The following RUNDC3B variants were observed in gnomAD, a reference collection of about 807,000 sequenced individuals.
RUNDC3B encodes RUN domain-containing protein 3B.
In RUNDC3B, 33 loss-of-function variants were observed where a neutral mutation model predicts 58.4. The ratio of observed to expected loss-of-function variants is 0.56; its 90% CI spans 0.43 to 0.75. RUNDC3B has a LOEUF of 0.75. Ranked by LOEUF, RUNDC3B falls within the 30% of genes least tolerant of loss-of-function variation. The probability of loss-of-function intolerance (pLI) is 0.00; values close to 1 mark genes in which losing one functional copy is unlikely to be tolerated. For synonymous variants in RUNDC3B, 193 were observed against 195.2 expected, an observed-to-expected ratio of 0.99 and a Z score of 0.10; for missense variants, 501 against 535.7, an observed-to-expected ratio of 0.94 and a Z score of 0.64.
intron 8 of RUNDC3B, among the ~76,000 whole-genome samples, chr7:87,782,594 A>T (rs952850503): frequency 3.3e-5 from 5 of 152,082 alleles, no homozygotes; most frequent in Non-Finnish European, 5.9e-5. Flanking sequence ...TAACTTCTTG[A>T]TGTAAACATT....
At chr7:87,673,227 A>G (rs1826005448) in intron 2 of RUNDC3B, among the ~76,000 whole-genome samples, 1 of 152,176 alleles carries the variant, frequency 6.6e-6, no homozygotes, top group South Asian at 2.1e-4. Flanking sequence ...AGTATTTTGC[A>G]GGATTCTCTG....
chr7:87,801,791 C>T (rs1836173482), intron 8 of RUNDC3B, among the ~76,000 whole-genome samples: 1 of 151,922 alleles, frequency 6.6e-6, no homozygotes, highest in South Asian at 2.1e-4. Flanking sequence ...TGTAAAACAC[C>T]CTTCATTATT....
chr7:87,708,990 T>A (rs769945531), intron 3 of RUNDC3B, among the ~76,000 whole-genome samples: 14 of 152,218 alleles, frequency 9.2e-5, no homozygotes, highest in Admixed American at 2.0e-4. Flanking sequence ...CTAAATTCCT[T>A]AATCTAGTTT....
rs1174513980 is a variant in RUNDC3B at position 87,718,275 on chromosome 7, GA to G, written c.458+7623del. On this transcript the variant is annotated intron_variant, in intron 4 of 10. Coordinates refer to ENST00000394654, the MANE Select transcript of RUNDC3B (RefSeq NM_001134405.2). ...AGCAACAACTTTGGACAACATACAT[GA>G]AATGCTGTCCACCAGGGAAGCTCAT... 2.0e-5 allele frequency among the ~76,000 whole-genome samples: 3 copies of G among 152,266 alleles called. No individual in the cohort carries two copies. The East Asian group carries it at 5.8e-4, about 29-fold the overall frequency.
intron 8 of RUNDC3B, 127 bp downstream of exon 8, chr7:87,778,082 T>C (rs935543363): frequency 1.4e-6 from 1 of 725,848 alleles, no homozygotes; most frequent in South Asian, 2.1e-5. Flanking sequence ...ACCTACACTT[T>C]TTTGAAAGTT....
At chr7:87,745,056 C>A (rs1832569376) in intron 6 of RUNDC3B, among the ~76,000 whole-genome samples, 1 of 152,090 alleles carries the variant, frequency 6.6e-6, no homozygotes, top group East Asian at 1.9e-4. Context: ...AATGCTTTTT[C>A]TGCATCTATT....
chr7:87,747,758 A>C (rs1314515211), intron 6 of RUNDC3B, among the ~76,000 whole-genome samples: 1 of 152,014 alleles, frequency 6.6e-6, no homozygotes, highest in Admixed American at 6.5e-5. Context: ...TTGTCAGGGA[A>C]GTGGGGGAAA....
chr7:87,722,860 C>T (rs1830983658), intron 4 of RUNDC3B, among the ~76,000 whole-genome samples: 1 of 152,174 alleles, frequency 6.6e-6, no homozygotes, highest in African/African-American at 2.4e-5. Flanking sequence ...GTGTGTTCCA[C>T]TGGAGAGTTA....
chr7:87,690,004 A>T (rs1263730267), intron 2 of RUNDC3B, among the ~76,000 whole-genome samples: 2 of 151,838 alleles, frequency 1.3e-5, no homozygotes, highest in African/African-American at 4.8e-5. Flanking sequence ...AAATTTTTAA[A>T]TTTTTTATAG....
chr7:87,754,528 G>C (rs1244399579), intron 6 of RUNDC3B, among the ~76,000 whole-genome samples: 1 of 152,006 alleles, frequency 6.6e-6, no homozygotes, highest in Non-Finnish European at 1.5e-5. Context: ...ACAATGGAAA[G>C]AATTAAAGAA....
At chr7:87,762,170 C>T (rs1287311958) in intron 6 of RUNDC3B, among the ~76,000 whole-genome samples, 1 of 151,410 alleles carries the variant, frequency 6.6e-6, no homozygotes, top group Non-Finnish European at 1.5e-5. Context: ...GTTTTTAAAT[C>T]GTTAATGAGT....
At chr7:87,669,192 A>G (rs1055625464) in intron 2 of RUNDC3B, among the ~76,000 whole-genome samples, 3 of 152,066 alleles carry the variant, frequency 2.0e-5, no homozygotes, top group Admixed American at 2.0e-4. Flanking sequence ...TAGGGTATTT[A>G]GGTTTTTTTG....
At position 87,703,328 on chromosome 7, in the gene RUNDC3B, C is replaced by T. The variant is rs530180063; in HGVS notation, c.372+2774C>T. Among the ~76,000 whole-genome samples, 16 of 151,750 alleles carry T rather than the reference C, an allele frequency of 1.1e-4. No homozygotes were observed. In the East Asian group the frequency reaches 1.2e-3, roughly 11 times the overall value. Reference sequence around the variant, plus strand: ...GTTCAAATTAAATATTTTGTAAGCACGAACTGAGTATATGTTTTAAAAACC... The same window carrying T: ...GTTCAAATTAAATATTTTGTAAGCATGAACTGAGTATATGTTTTAAAAACC... On this transcript the variant is annotated intron_variant, in intron 3 of 10. Coordinates refer to ENST00000394654, the MANE Select transcript of RUNDC3B (RefSeq NM_001134405.2).
intron 4 of RUNDC3B, among the ~76,000 whole-genome samples, chr7:87,725,462 T>C (rs1831167502): frequency 6.6e-6 from 1 of 152,344 alleles, no homozygotes; most frequent in African/African-American, 2.4e-5. Flanking sequence ...GGTGTATGTG[T>C]GCCACATTTT....
At chr7:87,790,186 C>G (rs1437863029) in intron 8 of RUNDC3B, among the ~76,000 whole-genome samples, 4 of 152,192 alleles carry the variant, frequency 2.6e-5, no homozygotes, top group Non-Finnish European at 5.9e-5. Flanking sequence ...CACAGAGAGA[C>G]ACCCTGTTTG....
intron 1 of RUNDC3B, among the ~76,000 whole-genome samples, chr7:87,634,086 A>G (rs1035670973): frequency 3.9e-5 from 6 of 151,908 alleles, no homozygotes; most frequent in Admixed American, 1.3e-4. Flanking sequence ...TTATCAACCT[A>G]CTCTTCTAGG....
intron 8 of RUNDC3B, among the ~76,000 whole-genome samples, chr7:87,781,562 A>G (rs1228785562): frequency 3.3e-5 from 5 of 152,114 alleles, no homozygotes; most frequent in East Asian, 3.9e-4. Flanking sequence ...GTCTTATTCT[A>G]CTTCCCAAGG....
chr7:87,752,380 C>A (rs1262745825), intron 6 of RUNDC3B, among the ~76,000 whole-genome samples: 1 of 152,060 alleles, frequency 6.6e-6, no homozygotes, highest in African/African-American at 2.4e-5. Flanking sequence ...CAGGATGATG[C>A]TGGCCTCATA....
chr7:87,755,064 C>T (rs1003782415), intron 6 of RUNDC3B, among the ~76,000 whole-genome samples: 6 of 151,214 alleles, frequency 4.0e-5, no homozygotes, highest in Admixed American at 3.9e-4. Flanking sequence ...ACTCTGTCAC[C>T]CAGGCTGGAG....
Sources: allele counts gnomAD v4.1 joint callset (sites outside exome capture counted in the v4.1 genomes callset), GRCh38; gene constraint gnomAD v4.1.1; transcripts MANE v1.5; gene names NCBI Gene and HGNC (gene_info 2026-07-23, HGNC 2026-07-21).